DCC: variants seen among roughly 807,000 people sequenced by gnomAD.
The protein encoded by DCC is DCC netrin 1 receptor, also known as netrin receptor DCC.
DCC carries 58 observed loss-of-function variants against 172.5 expected under a neutral mutation model. The ratio of observed to expected loss-of-function variants is 0.34; its 90% confidence interval spans 0.27 to 0.42. The LOEUF is 0.42. Ranked by LOEUF, DCC falls within the 10% of genes least tolerant of loss-of-function variation. The pLI, the probability that DCC is intolerant of heterozygous loss-of-function variation, is 1.00. For missense variants in DCC, 1,740 were observed against 1,791.0 expected (o/e 0.97, Z 0.51); for synonymous variants, 709 against 644.5 (o/e 1.10, Z -1.52).
chr18:53,259,137 A>G (rs1239651662), intron 12 of DCC, among the ~76,000 whole-genome samples: 3 of 152,128 alleles, frequency 2.0e-5, no homozygotes, highest in Non-Finnish European at 4.4e-5. Context: ...TGAATACAGC[A>G]TACTGATGGG....
At chr18:52,711,754 T>A (rs965096046) in intron 1 of DCC, among the ~76,000 whole-genome samples, 2 of 152,198 alleles carry the variant, frequency 1.3e-5, no homozygotes, top group African/African-American at 4.8e-5. Flanking sequence ...TGGGGAAAGA[T>A]GTCATCTTTG....
At chr18:52,496,166 G>A (rs1212515060) in intron 1 of DCC, among the ~76,000 whole-genome samples, 2 of 151,978 alleles carry the variant, frequency 1.3e-5, no homozygotes, top group African/African-American at 4.8e-5. Flanking sequence ...ATCCCCCCAT[G>A]GTTCATTTCT....
In DCC at chr18:53,176,928, C is replaced by G. The variant is rs1171143227; in HGVS notation, c.1419-2034C>G. Among the ~76,000 whole-genome samples the G allele has an allele frequency of 8.5e-3, 1,280 of 151,184 alleles. 17 individuals carry two copies. Among genetic ancestry groups the G allele is most frequent in the African/African-American group, 0.029 (1,189 of 41,236 alleles). On this transcript the variant is annotated intron_variant, in intron 8 of 28. Transcript: ENST00000442544. Reference sequence around the variant, plus strand: ...ACAATAGCAAAGACTTGGAACCAACCCAAATGTCCAACAATGATAGACTGG... The same window carrying G: ...ACAATAGCAAAGACTTGGAACCAACGCAAATGTCCAACAATGATAGACTGG...
intron 13 of DCC, among the ~76,000 whole-genome samples, chr18:53,309,175 C>T (rs2057236083): frequency 6.6e-6 from 1 of 152,022 alleles, no homozygotes; most frequent in South Asian, 2.1e-4. Flanking sequence ...GCAGCTGGGA[C>T]TATAGGTGTG....
intron 1 of DCC, among the ~76,000 whole-genome samples, chr18:52,716,958 AC>A (rs751159822): frequency 3.9e-5 from 6 of 152,212 alleles, no homozygotes; most frequent in Non-Finnish European, 8.8e-5. Flanking sequence ...ATTACAAGTG[AC>A]CAAGATCCAA....
At chr18:53,108,587 A>T (rs1019616600) in intron 7 of DCC, among the ~76,000 whole-genome samples, 1 of 151,806 alleles carries the variant, frequency 6.6e-6, no homozygotes, top group Non-Finnish European at 1.5e-5. Flanking sequence ...AAACCAAAAA[A>T]CTTGTTTCTA....
intron 1 of DCC, among the ~76,000 whole-genome samples, chr18:52,484,655 A>G (rs2030120895): frequency 6.6e-6 from 1 of 152,074 alleles, no homozygotes; most frequent in Non-Finnish European, 1.5e-5. Context: ...GAGCTCAGCT[A>G]GGTACTAGTT....
intron 12 of DCC, among the ~76,000 whole-genome samples, chr18:53,223,514 G>A (rs1288239054): frequency 6.6e-6 from 1 of 152,090 alleles, no homozygotes; most frequent in Non-Finnish European, 1.5e-5. Context: ...TTTTTGAAAA[G>A]TGGGAGGTTT....
intron 1 of DCC, among the ~76,000 whole-genome samples, chr18:52,463,670 G>A (rs1988698242): frequency 6.6e-6 from 1 of 152,148 alleles, no homozygotes; most frequent in Non-Finnish European, 1.5e-5. Flanking sequence ...GGAGGTAACT[G>A]TGGGAGGATT....
intron 2 of DCC, among the ~76,000 whole-genome samples, chr18:52,858,501 A>G (rs540831549): frequency 2.6e-5 from 4 of 152,298 alleles, no homozygotes; most frequent in Non-Finnish European, 5.9e-5. Flanking sequence ...AAGACATATT[A>G]CTTTAGTAGA....
chr18:52,734,172 A>C, intron 1 of DCC, among the ~76,000 whole-genome samples: 1 of 152,066 alleles, frequency 6.6e-6, no homozygotes, highest in Non-Finnish European at 1.5e-5. Flanking sequence ...CCATGGGTAC[A>C]TAGTAGGTGT....
At chr18:53,507,575 T>C (rs1212037109) in intron 27 of DCC, among the ~76,000 whole-genome samples, 1 of 152,350 alleles carries the variant, frequency 6.6e-6, no homozygotes, top group African/African-American at 2.4e-5. Flanking sequence ...TCTCCTTATT[T>C]ACCGGAATAT....
intron 2 of DCC, among the ~76,000 whole-genome samples, chr18:52,779,297 C>G (rs999742374): frequency 6.6e-6 from 1 of 152,116 alleles, no homozygotes; most frequent in Non-Finnish European, 1.5e-5. Context: ...AATCCTATCC[C>G]TCCCCAAGTG....
Position 52,340,591 on chromosome 18 carries a change from G to T in DCC, c.-197G>T, listed in dbSNP as rs1017124367. 4.1e-5 allele frequency: 27 copies of T among 657,376 alleles called. 1 individual carries two copies. The highest frequency in any genetic ancestry group is 7.9e-4 in the Middle Eastern group (2 of 2,534). The allele number at this position is 657,376 out of a possible 1,614,324, so 40.7% of individuals were successfully genotyped here. On this transcript the variant is annotated 5_prime_UTR_variant, in exon 1 of 29. Coordinates refer to ENST00000442544, the MANE Select transcript of DCC (RefSeq NM_005215.4). ...CCTGCTTTTGCTGCTGATTCTGTCA[G>T]TGGACAAGGAAAAAGGCTTCGAAGG...
chr18:52,646,461 A>G (rs2035020716), intron 1 of DCC, among the ~76,000 whole-genome samples: 1 of 152,098 alleles, frequency 6.6e-6, no homozygotes, highest in Admixed American at 6.5e-5. Context: ...CAGATCCCAC[A>G]GGGTAAGGGT....
intron 1 of DCC, among the ~76,000 whole-genome samples, chr18:52,567,827 A>G (rs908930737): frequency 1.3e-5 from 2 of 152,114 alleles, no homozygotes; most frequent in African/African-American, 4.8e-5. Flanking sequence ...CTTAAAAAAA[A>G]ACAGAGAGGT....
At chr18:53,381,240 GAAAT>G (rs1317458661) in intron 15 of DCC, among the ~76,000 whole-genome samples, 1 of 100,448 alleles carries the variant, frequency 1.0e-5, no homozygotes, top group Non-Finnish European at 2.4e-5. Flanking sequence ...TTTTAAAAAA[GAAAT>G]AATATACACC....
At chr18:53,276,218 A>T (rs1422536017) in intron 12 of DCC, among the ~76,000 whole-genome samples, 1 of 152,152 alleles carries the variant, frequency 6.6e-6, no homozygotes, top group Non-Finnish European at 1.5e-5. Flanking sequence ...ATATAGCTTC[A>T]CTCAACTGGG....
At chr18:52,910,513 A>C (rs8095926) in intron 3 of DCC, among the ~76,000 whole-genome samples, 59,866 of 151,962 alleles carry the variant, frequency 0.39, 12,376 homozygotes, top group Non-Finnish European at 0.47. Flanking sequence ...TAAAATATCA[A>C]TAACAAAACA....
Sources: gnomAD v4.1 joint callset for allele counts (sites outside exome capture counted in the v4.1 genomes callset) on GRCh38, gnomAD v4.1.1 for gene constraint, MANE v1.5 for transcripts, NCBI Gene and HGNC (gene_info 2026-07-23, HGNC 2026-07-21) for gene names.